The following PTN variants were observed in gnomAD, a reference collection of about 807,000 sequenced individuals.
PTN encodes the protein pleiotrophin.
Under a neutral mutation model 24.1 loss-of-function variants are expected in PTN, and 18 were observed. That is an observed-to-expected ratio of 0.75 (90% CI 0.52 to 1.11). The LOEUF (loss-of-function observed/expected upper bound fraction) is 1.11, where lower values mean the gene tolerates loss of function less well. PTN is among the 50% of genes least tolerant of loss of function. The pLI, the probability that PTN is intolerant of heterozygous loss-of-function variation, is 0.00. For missense variants in PTN, 163 were observed against 198.8 expected, an observed-to-expected ratio of 0.82 and a Z score of 1.08; for synonymous variants, 78 against 68.6, an observed-to-expected ratio of 1.14 and a Z score of -0.67.
intron 1 of PTN, among the ~76,000 whole-genome samples, chr7:137,330,713 G>C (rs573776050): frequency 2.4e-4 from 36 of 152,170 alleles, no homozygotes; most frequent in Non-Finnish European, 4.6e-4. Context: ...CTCTTCACTA[G>C]AACAGCAGAT....
At chr7:137,336,424 A>G (rs897025502) in intron 1 of PTN, among the ~76,000 whole-genome samples, 3 of 152,142 alleles carry the variant, frequency 2.0e-5, no homozygotes, top group Non-Finnish European at 2.9e-5. Context: ...AAGGTCAGCA[A>G]TAAAGTGCCT....
chr7:137,269,527 T>G (rs2128874151), intron 1 of PTN, among the ~76,000 whole-genome samples: 1 of 152,268 alleles, frequency 6.6e-6, no homozygotes, highest in African/African-American at 2.4e-5. Flanking sequence ...CCCGTTCACT[T>G]TTGCTTTCAG....
intron 1 of PTN, among the ~76,000 whole-genome samples, chr7:137,305,974 C>T (rs12666148): frequency 0.16 from 24,650 of 152,026 alleles, 2,176 homozygotes; most frequent in South Asian, 0.3. Context: ...CCGCTCCCTG[C>T]GCTGCTTCCT....
chr7:137,278,394 TGTA>T (rs895875535), intron 1 of PTN, among the ~76,000 whole-genome samples: 1 of 150,450 alleles, frequency 6.6e-6, no homozygotes, highest in African/African-American at 2.4e-5. Flanking sequence ...AAGACCCAAT[TGTA>T]TGCTATCTAG....
intron 1 of PTN, among the ~76,000 whole-genome samples, chr7:137,267,632 A>G (rs141836209): frequency 1.1e-4 from 16 of 152,234 alleles, no homozygotes; most frequent in African/African-American, 3.6e-4. Context: ...GAAATTTTTC[A>G]ACATAGTTCC....
intron 1 of PTN, among the ~76,000 whole-genome samples, chr7:137,293,467 C>T (rs1392228330): frequency 6.6e-6 from 1 of 152,068 alleles, no homozygotes; most frequent in Non-Finnish European, 1.5e-5. Context: ...GGCTAGCATA[C>T]TTGAAATGCT....
intron 4 of PTN, among the ~76,000 whole-genome samples, chr7:137,246,172 A>T (rs1017143487): frequency 3.9e-5 from 6 of 152,112 alleles, no homozygotes; most frequent in Non-Finnish European, 1.5e-5. Flanking sequence ...CCCTACAGAG[A>T]TGTACCATTT....
At chr7:137,244,769 G>A (rs1808694537) in intron 4 of PTN, among the ~76,000 whole-genome samples, 2 of 152,070 alleles carry the variant, frequency 1.3e-5, no homozygotes, top group African/African-American at 4.8e-5. Flanking sequence ...TGAGGCTAGA[G>A]TGTGGAATCT....
intron 1 of PTN, among the ~76,000 whole-genome samples, chr7:137,285,238 C>A (rs1482063824): frequency 1.3e-5 from 2 of 152,094 alleles, no homozygotes; most frequent in African/African-American, 4.8e-5. Context: ...GCAACTCATG[C>A]ATAGATAATA....
At chr7:137,333,876 G>A (rs182336234) in intron 1 of PTN, among the ~76,000 whole-genome samples, 174 of 152,210 alleles carry the variant, frequency 1.1e-3, no homozygotes, top group African/African-American at 4.0e-3. Context: ...AGAGCCCTCA[G>A]AAATAACACC....
chr7:137,332,093 C>T (rs1349995161), intron 1 of PTN, among the ~76,000 whole-genome samples: 2 of 152,124 alleles, frequency 1.3e-5, no homozygotes, highest in Admixed American at 1.3e-4. Context: ...TTGGTAGAAT[C>T]AAGTGCATAT....
In PTN at chr7:137,267,396, T is replaced by TGG. The variant is rs773566581; in HGVS notation, c.-1-12423_-1-12422insCC. Among the ~76,000 whole-genome samples the TGG allele has an allele frequency of 4.5e-3, 684 of 152,086 alleles. 3 individuals carry two copies. The highest frequency in any genetic ancestry group is 5.9e-3 in the Non-Finnish European group (402 of 67,982). ...TATGCTGCTGTTCTCTTAACTACTGTTGGGGGGAAGGGGGTCTAAAACCAG... is the reference window on the plus strand; with the variant it reads ...TATGCTGCTGTTCTCTTAACTACTGTGGTGGGGGGAAGGGGGTCTAAAACCAG... On this transcript the variant is annotated intron_variant, in intron 1 of 4. Transcript: ENST00000348225.
chr7:137,227,867 G>C lies in PTN; in HGVS notation c.*153C>G. ...GTACTATAGTATACATTTAAAAAAC[G>C]CTACTACAAAAATTTTCTTTTCTTT... On this transcript the variant is annotated 3_prime_UTR_variant, in exon 5 of 5. Coordinates refer to ENST00000348225, the MANE Select transcript of PTN (RefSeq NM_002825.7). 1.1e-6 allele frequency: 1 copy of C among 908,890 alleles called. No individual in the cohort carries two copies. Among genetic ancestry groups the C allele is most frequent in the Non-Finnish European group, 1.6e-6 (1 of 634,784 alleles). The allele number at this position is 908,890 out of a possible 1,614,324, so 56.3% of individuals were successfully genotyped here. A position where few individuals can be genotyped will look rare whatever the true frequency, so the allele number is the denominator to read the frequency against.
intron 1 of PTN, among the ~76,000 whole-genome samples, chr7:137,294,549 C>G (rs192589828): frequency 6.6e-6 from 1 of 152,082 alleles, no homozygotes; most frequent in African/African-American, 2.4e-5. Context: ...ATCACCTACT[C>G]CCTACCAGGC....
At chr7:137,319,892 T>A (rs540987720) in intron 1 of PTN, among the ~76,000 whole-genome samples, 7 of 152,306 alleles carry the variant, frequency 4.6e-5, no homozygotes, top group African/African-American at 1.7e-4. Flanking sequence ...GGGAGTCTTA[T>A]GTGGTCTAGG....
intron 4 of PTN, among the ~76,000 whole-genome samples, chr7:137,240,295 G>C (rs941939566): frequency 6.6e-6 from 1 of 152,126 alleles, no homozygotes; most frequent in South Asian, 2.1e-4. Flanking sequence ...TTAACATACT[G>C]TGTGCTCCAT....
chr7:137,270,185 T>C (rs1252620925), intron 1 of PTN, among the ~76,000 whole-genome samples: 4 of 152,178 alleles, frequency 2.6e-5, no homozygotes, highest in African/African-American at 9.7e-5. Context: ...TGTCCTCTCA[T>C]AGGAAGTACA....
At chr7:137,335,889 T>C (rs1213369862) in intron 1 of PTN, among the ~76,000 whole-genome samples, 1 of 151,580 alleles carries the variant, frequency 6.6e-6, no homozygotes, top group Admixed American at 6.6e-5. Context: ...AAAGAAAGCA[T>C]GCCTGTTTCA....
chr7:137,333,606 G>C (rs1275461027), intron 1 of PTN, among the ~76,000 whole-genome samples: 1 of 152,068 alleles, frequency 6.6e-6, no homozygotes, highest in East Asian at 1.9e-4. Context: ...GTGAAAGAAG[G>C]GAAGACTCTT....
Sources: allele counts gnomAD v4.1 joint callset (sites outside exome capture counted in the v4.1 genomes callset), GRCh38; gene constraint gnomAD v4.1.1; transcripts MANE v1.5; gene names NCBI Gene and HGNC (gene_info 2026-07-23, HGNC 2026-07-21).